The following MOB3B variants were observed in gnomAD, a reference collection of about 807,000 sequenced individuals.
The protein encoded by MOB3B is MOB kinase activator-like 2B.
MOB3B carries 7 observed loss-of-function variants against 18.7 expected under a neutral mutation model. That is an observed-to-expected ratio of 0.37 (90% CI 0.21 to 0.70). The LOEUF (loss-of-function observed/expected upper bound fraction) is 0.70. MOB3B is among the 30% of genes least tolerant of loss of function. The pLI is 0.52. For synonymous variants in MOB3B, 111 were observed against 99.9 expected, an observed-to-expected ratio of 1.11 and a Z score of -0.66; for missense variants, 253 against 281.3, an observed-to-expected ratio of 0.90 and a Z score of 0.72.
chr9:27,481,526 T>TTG (rs1002968482), intron 1 of MOB3B, among the ~76,000 whole-genome samples: 8 of 146,098 alleles, frequency 5.5e-5, no homozygotes, highest in African/African-American at 1.8e-4. Flanking sequence ...TTTTGTTTTT[T>TTG]TTTTTTTTTG....
intron 2 of MOB3B, among the ~76,000 whole-genome samples, chr9:27,374,216 A>AT (rs34635444): frequency 3.5e-4 from 52 of 148,756 alleles, no homozygotes; most frequent in South Asian, 1.9e-3. Context: ...TGTCTGAAGT[A>AT]TTTTTTTTTT....
At position 27,528,094 on chromosome 9, in the gene MOB3B, G is replaced by A. The variant is rs1820464320; in HGVS notation, c.-199+1461C>T. ...GGACTTGGGATTTAAACTTGGAGCG[G>A]TACTCAAAGCCAGAACTCCACGTTC... On this transcript the variant is annotated intron_variant, in intron 1 of 3. Coordinates refer to ENST00000262244, the MANE Select transcript of MOB3B (RefSeq NM_024761.5). Among the ~76,000 whole-genome samples the A allele has an allele frequency of 3.3e-5, 5 of 152,280 alleles. No homozygotes were observed. In the South Asian group the frequency reaches 8.3e-4, roughly 25 times the overall value.
Position 27,372,485 on chromosome 9 carries a change from A to T in MOB3B, c.419-13249T>A, listed in dbSNP as rs535033496. ...TATGCTTGGTGAGTTGCTTCCAAAG[A>T]GTACAGTATAGGTGGCTTTATAGTC... On this transcript the variant is annotated intron_variant, in intron 2 of 3. Coordinates refer to ENST00000262244, the MANE Select transcript of MOB3B (RefSeq NM_024761.5). Among the ~76,000 whole-genome samples, 4 of 152,290 alleles carry T rather than the reference A, an allele frequency of 2.6e-5. No homozygotes were observed. The South Asian group carries it at 8.3e-4, about 32-fold the overall frequency.
chr9:27,505,153 TG>T (rs1820041169), intron 1 of MOB3B, among the ~76,000 whole-genome samples: 1 of 152,226 alleles, frequency 6.6e-6, no homozygotes. Context: ...TGGACATCTT[TG>T]GGGAGCTATT....
intron 2 of MOB3B, among the ~76,000 whole-genome samples, chr9:27,405,972 T>A (rs532525471): frequency 2.6e-5 from 4 of 152,256 alleles, no homozygotes; most frequent in Admixed American, 6.5e-5. Context: ...TAGAATCATA[T>A]CGAACTAGGA....
intron 1 of MOB3B, among the ~76,000 whole-genome samples, chr9:27,514,014 G>A (rs1262489330): frequency 3.9e-5 from 6 of 152,056 alleles, no homozygotes; most frequent in Admixed American, 1.3e-4. Flanking sequence ...ATGAGAAACC[G>A]TATTATCACA....
chr9:27,429,947 C>T lies in MOB3B; in HGVS notation c.418+25186G>A, dbSNP rs1002008701. Among the ~76,000 whole-genome samples the T allele has an allele frequency of 7.9e-5, 12 of 152,180 alleles. No homozygotes were observed. In the East Asian group the frequency reaches 1.7e-3, roughly 22 times the overall value. On this transcript the variant is annotated intron_variant, in intron 2 of 3. Transcript: ENST00000262244. The stretch of plus-strand genomic sequence containing the variant: ...GATCTAAGTTAGTGTCTGAGGCAGA[C>T]AGATCAGTGCCTGCAGCTCAGGAGC...
intron 2 of MOB3B, among the ~76,000 whole-genome samples, chr9:27,392,480 G>A (rs1046303523): frequency 5.3e-5 from 8 of 152,048 alleles, no homozygotes; most frequent in African/African-American, 1.4e-4. Flanking sequence ...AGTCGCCTAC[G>A]TTTATGTTGC....
At chr9:27,380,142 G>A (rs1821555075) in intron 2 of MOB3B, among the ~76,000 whole-genome samples, 1 of 152,050 alleles carries the variant, frequency 6.6e-6, no homozygotes, top group Non-Finnish European at 1.5e-5. Flanking sequence ...GAGGTCTATG[G>A]GCCCCCACTA....
At chr9:27,349,197 T>A (rs775845143) in intron 3 of MOB3B, among the ~76,000 whole-genome samples, 22 of 152,246 alleles carry the variant, frequency 1.4e-4, no homozygotes, top group Non-Finnish European at 2.6e-4. Context: ...ATAGCTTAAC[T>A]GGCTTTGCTG....
intron 1 of MOB3B, among the ~76,000 whole-genome samples, chr9:27,488,406 ATATT>A (rs758571093): frequency 2.6e-5 from 4 of 151,812 alleles, no homozygotes; most frequent in Non-Finnish European, 5.9e-5. Flanking sequence ...CTCTCTTTTT[ATATT>A]TATTTATTTA....
At chr9:27,490,917 CAAT>C (rs1285364283) in intron 1 of MOB3B, among the ~76,000 whole-genome samples, 5 of 151,320 alleles carry the variant, frequency 3.3e-5, no homozygotes, top group Admixed American at 1.3e-4. Flanking sequence ...AATGTAACAA[CAAT>C]GACACCTACC....
At chr9:27,460,519 A>T (rs574958201) in intron 1 of MOB3B, among the ~76,000 whole-genome samples, 2 of 152,190 alleles carry the variant, frequency 1.3e-5, no homozygotes, top group Non-Finnish European at 2.9e-5. Flanking sequence ...TGCCAGGGAT[A>T]AGGAAGAAAT....
intron 2 of MOB3B, among the ~76,000 whole-genome samples, chr9:27,392,473 C>T (rs758039083): frequency 2.6e-5 from 4 of 152,078 alleles, no homozygotes; most frequent in African/African-American, 4.8e-5. Context: ...AACATAAAGT[C>T]GCCTACGTTT....
intron 2 of MOB3B, among the ~76,000 whole-genome samples, chr9:27,423,122 G>A (rs1237617228): frequency 6.6e-6 from 1 of 152,136 alleles, no homozygotes; most frequent in South Asian, 2.1e-4. Context: ...AACATTTTTA[G>A]TGCCTATTAT....
chr9:27,473,806 A>G (rs1819510847), intron 1 of MOB3B, among the ~76,000 whole-genome samples: 1 of 152,168 alleles, frequency 6.6e-6, no homozygotes, highest in Admixed American at 6.5e-5. Flanking sequence ...AATCTTTCAA[A>G]TGGGGCATCT....
At chr9:27,361,815 A>G (rs564946475) in intron 2 of MOB3B, among the ~76,000 whole-genome samples, 6 of 152,256 alleles carry the variant, frequency 3.9e-5, no homozygotes, top group African/African-American at 1.4e-4. Flanking sequence ...CTCTGCACAC[A>G]CTTTTAGCTC....
intron 3 of MOB3B, among the ~76,000 whole-genome samples, chr9:27,334,576 GGAA>G (rs1820835897): frequency 2.0e-5 from 3 of 152,078 alleles, no homozygotes; most frequent in African/African-American, 7.2e-5. Flanking sequence ...GTTAGCAGTT[GGAA>G]GAAGTTCTTG....
At chr9:27,386,313 A>G (rs963532727) in intron 2 of MOB3B, among the ~76,000 whole-genome samples, 1 of 152,236 alleles carries the variant, frequency 6.6e-6, no homozygotes. Flanking sequence ...GTAAGTGTCC[A>G]TTTCAGTATT....
Sources: allele counts gnomAD v4.1 joint callset (sites outside exome capture counted in the v4.1 genomes callset), GRCh38; gene constraint gnomAD v4.1.1; transcripts MANE v1.5; gene names NCBI Gene and HGNC (gene_info 2026-07-23, HGNC 2026-07-21).